The following LSAMP variants were observed in gnomAD, a reference collection of about 807,000 sequenced individuals.
LSAMP encodes the protein limbic system associated membrane protein.
A neutral mutation model predicts 38.6 loss-of-function variants in LSAMP; 7 were observed. The ratio of observed to expected loss-of-function variants is 0.18; its 90% CI spans 0.10 to 0.34. LSAMP has a LOEUF of 0.34. LSAMP is among the 10% of genes least tolerant of loss of function. LSAMP has a pLI of 1.00. For missense variants in LSAMP, 313 were observed against 420.0 expected, an observed-to-expected ratio of 0.75 and a Z score of 2.23; for synonymous variants, 154 against 166.8, an observed-to-expected ratio of 0.92 and a Z score of 0.59.
At chr3:115,908,914 T>C (rs909474860) in intron 3 of LSAMP, among the ~76,000 whole-genome samples, 1 of 152,200 alleles carries the variant, frequency 6.6e-6, no homozygotes, top group Non-Finnish European at 1.5e-5. Context: ...TAAGCTGTTC[T>C]AGGTCACTCT....
At chr3:116,105,257 T>C (rs543193735) in intron 1 of LSAMP, among the ~76,000 whole-genome samples, 1 of 151,892 alleles carries the variant, frequency 6.6e-6, no homozygotes, top group East Asian at 1.9e-4. Context: ...TCTTTGAGAC[T>C]CTGTTCTAGC....
chr3:116,420,110 T>G (rs2049101998), intron 1 of LSAMP, among the ~76,000 whole-genome samples: 1 of 151,872 alleles, frequency 6.6e-6, no homozygotes, highest in East Asian at 1.9e-4. Context: ...TCTTTTTTTT[T>G]TTTTCAAGAG....
chr3:115,929,796 T>TG (rs1937551080), intron 3 of LSAMP, among the ~76,000 whole-genome samples: 1 of 152,006 alleles, frequency 6.6e-6, no homozygotes, highest in African/African-American at 2.4e-5. Context: ...CAAAATAACT[T>TG]GAAAGGACTG....
chr3:116,004,120 A>C (rs1047939361), intron 3 of LSAMP, among the ~76,000 whole-genome samples: 2 of 152,274 alleles, frequency 1.3e-5, no homozygotes, highest in South Asian at 4.1e-4. Context: ...GAGAAATCAT[A>C]AAGTGTTATA....
chr3:116,294,093 A>G (rs1409240746), intron 1 of LSAMP, among the ~76,000 whole-genome samples: 1 of 152,106 alleles, frequency 6.6e-6, no homozygotes, highest in East Asian at 1.9e-4. Context: ...GATGATCATC[A>G]TCACTTTCAA....
chr3:115,887,346 T>C (rs1412377988), intron 3 of LSAMP, among the ~76,000 whole-genome samples: 4 of 151,898 alleles, frequency 2.6e-5, no homozygotes, highest in Admixed American at 6.6e-5. Flanking sequence ...ACAGCTGTAA[T>C]TTTTATCTTA....
chr3:115,841,894 A>G lies in LSAMP; in HGVS notation c.870T>C (p.Cys290=), dbSNP rs779297807. ...VTEEHYGNYT[C]VAANKLGVTN... The stretch of plus-strand genomic sequence containing the variant: ...TGACCCCCAGCTTGTTGGCAGCCAC[A>G]CAGGTGTAGTTGCCGTAGTGCTCCT... The change falls in exon 6 of 7, where the codon TGT becomes TGC. Residue 290 remains cysteine, a synonymous_variant. Transcript: ENST00000490035. The G allele has an allele frequency of 6.2e-7, 1 of 1,614,016 alleles. No individual in the cohort carries two copies. The highest frequency in any genetic ancestry group is 1.1e-5 in the South Asian group (1 of 91,054).
chr3:116,028,234 GA>G (rs2107699665), intron 2 of LSAMP, among the ~76,000 whole-genome samples: 1 of 152,238 alleles, frequency 6.6e-6, no homozygotes, highest in South Asian at 2.1e-4. Flanking sequence ...GCCATCTAGT[GA>G]AACATCAAAC....
At chr3:116,359,798 C>T (rs1159091560) in intron 1 of LSAMP, among the ~76,000 whole-genome samples, 1 of 151,958 alleles carries the variant, frequency 6.6e-6, no homozygotes, top group Non-Finnish European at 1.5e-5. Flanking sequence ...GAAACTGGGC[C>T]CCTTCCTTAT....
chr3:116,294,578 C>T (rs903254770), intron 1 of LSAMP, among the ~76,000 whole-genome samples: 1 of 152,118 alleles, frequency 6.6e-6, no homozygotes, highest in African/African-American at 2.4e-5. Flanking sequence ...ACTATTCATA[C>T]AAATTTCAGC....
intron 3 of LSAMP, among the ~76,000 whole-genome samples, chr3:115,945,866 A>C (rs1938080773): frequency 6.6e-6 from 1 of 152,196 alleles, no homozygotes; most frequent in Non-Finnish European, 1.5e-5. Flanking sequence ...TCTTATTGAC[A>C]TTATTACCTA....
chr3:116,130,514 C>T (rs1004852295), intron 1 of LSAMP, among the ~76,000 whole-genome samples: 12 of 152,118 alleles, frequency 7.9e-5, no homozygotes, highest in African/African-American at 2.4e-5. Flanking sequence ...CAAATGTTGT[C>T]ATTTTAAAGG....
At chr3:116,358,351 A>T (rs2048253566) in intron 1 of LSAMP, among the ~76,000 whole-genome samples, 1 of 152,156 alleles carries the variant, frequency 6.6e-6, no homozygotes, top group Non-Finnish European at 1.5e-5. Context: ...ATAGTAATAT[A>T]CAGTATATAG....
In LSAMP at chr3:116,159,665, T is replaced by C. The variant is rs111572533; in HGVS notation, c.156-73109A>G. 1.3e-3 allele frequency among the ~76,000 whole-genome samples: 204 copies of C among 152,324 alleles called. 1 individual carries two copies. The highest frequency in any genetic ancestry group is 3.4e-3 in the African/African-American group (141 of 41,582). On this transcript the variant is annotated intron_variant, in intron 1 of 6. Transcript: ENST00000490035. ...TACTGCTGGTGGGAGTATAAATTAATTCAGTCATTGTGGAAAGCAGTTTGG... is the reference window on the plus strand; with the variant it reads ...TACTGCTGGTGGGAGTATAAATTAACTCAGTCATTGTGGAAAGCAGTTTGG...
At chr3:115,911,983 A>G (rs797019294) in intron 3 of LSAMP, among the ~76,000 whole-genome samples, 3 of 152,266 alleles carry the variant, frequency 2.0e-5, no homozygotes, top group African/African-American at 7.2e-5. Flanking sequence ...CGTCAGTGAA[A>G]TGGTTGGTTC....
At chr3:116,074,128 T>C (rs1707676824) in intron 2 of LSAMP, among the ~76,000 whole-genome samples, 2 of 152,214 alleles carry the variant, frequency 1.3e-5, no homozygotes, top group African/African-American at 4.8e-5. Context: ...GAGTTCCTTG[T>C]ATCAACAATA....
intron 6 of LSAMP, among the ~76,000 whole-genome samples, chr3:115,840,479 C>T (rs1934962091): frequency 6.6e-6 from 1 of 152,140 alleles, no homozygotes; most frequent in South Asian, 2.1e-4. Flanking sequence ...GCAAAGAATA[C>T]TTATGTTTGG....
intron 1 of LSAMP, among the ~76,000 whole-genome samples, chr3:116,355,215 A>C (rs956294410): frequency 6.6e-6 from 1 of 152,186 alleles, no homozygotes; most frequent in African/African-American, 2.4e-5. Flanking sequence ...CAATTTATAC[A>C]GTCTGCTTCA....
chr3:116,424,403 A>C (rs1019037504), intron 1 of LSAMP, among the ~76,000 whole-genome samples: 2 of 152,238 alleles, frequency 1.3e-5, no homozygotes, highest in African/African-American at 4.8e-5. Context: ...TAAGTTAGTG[A>C]CAAAACACAA....
Sources: gnomAD v4.1 joint callset for allele counts (sites outside exome capture counted in the v4.1 genomes callset) on GRCh38, gnomAD v4.1.1 for gene constraint, MANE v1.5 for transcripts, NCBI Gene and HGNC (gene_info 2026-07-23, HGNC 2026-07-21) for gene names.